Variants in PAPPA2 observed in about 807,000 individuals in gnomAD.
The protein encoded by PAPPA2 is pappalysin 2, also known as pappalysin-2.
In PAPPA2, 86 loss-of-function variants were observed where a neutral mutation model predicts 176.4. The observed-to-expected ratio is 0.49, with a 90% CI of 0.41 to 0.58. The LOEUF is 0.58. Ranked by LOEUF, PAPPA2 falls within the 20% of genes least tolerant of loss-of-function variation. The pLI, the probability that PAPPA2 is intolerant of heterozygous loss-of-function variation, is 0.00. For synonymous variants in PAPPA2, 809 were observed against 852.2 expected, an observed-to-expected ratio of 0.95 and a Z score of 0.88; for missense variants, 2,073 against 2,256.9, an observed-to-expected ratio of 0.92 and a Z score of 1.65.
At chr1:176,503,943 A>C (rs1347229226) in intron 1 of PAPPA2, among the ~76,000 whole-genome samples, 14 of 152,170 alleles carry the variant, frequency 9.2e-5, no homozygotes, top group Non-Finnish European at 2.1e-4. Context: ...ATCTCTACAG[A>C]AGTGGGATGA....
rs755398615 is a variant in PAPPA2 at position 176,695,875 on chromosome 1, A to AT, written c.2746+22dup. On this transcript the variant is annotated intron_variant, in intron 7 of 22. Coordinates refer to ENST00000367662, the MANE Select transcript of PAPPA2 (RefSeq NM_020318.3). ...GAGGCTGTGGGTAAAGTACCATGAC[A>AT]TTTTTTCTTTATACCCTGGTGACCA... The AT allele has an allele frequency of 1.9e-4, 309 of 1,612,668 alleles. No homozygotes were observed. Among genetic ancestry groups the AT allele is most frequent in the Non-Finnish European group, 2.6e-4 (301 of 1,179,820 alleles).
chr1:176,770,935 G>C, intron 16 of PAPPA2, 32 bp from the exon 17 acceptor site: 1 of 1,596,408 alleles, frequency 6.3e-7, no homozygotes, highest in Non-Finnish European at 8.6e-7. Context: ...TCTCTGTTCT[G>C]AGCATCTTGT....
At chr1:176,701,998 C>T (rs1286586763) in intron 8 of PAPPA2, among the ~76,000 whole-genome samples, 1 of 152,162 alleles carries the variant, frequency 6.6e-6, no homozygotes, top group African/African-American at 2.4e-5. Context: ...TTCCTGATAC[C>T]TACACACTTT....
chr1:176,524,476 T>G (rs1035313362), intron 1 of PAPPA2, among the ~76,000 whole-genome samples: 31 of 152,170 alleles, frequency 2.0e-4, no homozygotes, highest in African/African-American at 6.8e-4. Flanking sequence ...AGGAAGATGA[T>G]GTTAAAATAA....
intron 17 of PAPPA2, among the ~76,000 whole-genome samples, chr1:176,789,517 C>T (rs1180344481): frequency 6.6e-6 from 1 of 151,826 alleles, no homozygotes; most frequent in African/African-American, 2.4e-5. Flanking sequence ...CAAACCTGCA[C>T]GTTGTGCACA....
intron 12 of PAPPA2, among the ~76,000 whole-genome samples, chr1:176,736,404 A>G (rs144201694): frequency 4.0e-5 from 6 of 150,552 alleles, no homozygotes; most frequent in Non-Finnish European, 7.4e-5. Flanking sequence ...TTCTCTCTCT[A>G]TATATATGTA....
chr1:176,516,217 CA>C (rs1317834332), intron 1 of PAPPA2, among the ~76,000 whole-genome samples: 2 of 151,774 alleles, frequency 1.3e-5, no homozygotes, highest in African/African-American at 4.8e-5. Context: ...TGTCTCACCA[CA>C]AATGCTGCTA....
intron 21 of PAPPA2, among the ~76,000 whole-genome samples, chr1:176,824,082 T>G (rs1220955113): frequency 6.6e-6 from 1 of 152,176 alleles, no homozygotes; most frequent in African/African-American, 2.4e-5. Flanking sequence ...TAAACAGGAT[T>G]GGAAAGATGG....
At chr1:176,813,116 T>C (rs1274616154) in intron 21 of PAPPA2, among the ~76,000 whole-genome samples, 1 of 152,226 alleles carries the variant, frequency 6.6e-6, no homozygotes, top group Non-Finnish European at 1.5e-5. Context: ...GCAAAGGACA[T>C]GATCTCATTC....
intron 2 of PAPPA2, among the ~76,000 whole-genome samples, chr1:176,565,215 T>C (rs547285664): frequency 5.3e-4 from 81 of 152,350 alleles, no homozygotes; most frequent in South Asian, 3.9e-3. Flanking sequence ...TTGGCTGTTA[T>C]GAACATTGTG....
At chr1:176,493,034 T>G (rs1218204638) in intron 1 of PAPPA2, among the ~76,000 whole-genome samples, 1 of 152,206 alleles carries the variant, frequency 6.6e-6, no homozygotes. Flanking sequence ...TTGGTCACAA[T>G]CCAATAAATT....
chr1:176,549,030 A>C (rs1435938942), intron 1 of PAPPA2, among the ~76,000 whole-genome samples: 1 of 152,208 alleles, frequency 6.6e-6, no homozygotes, highest in Non-Finnish European at 1.5e-5. Flanking sequence ...ATTATTGCTA[A>C]TACTACTACC....
At chr1:176,581,918 CTTTCT>C (rs1255910081) in intron 2 of PAPPA2, among the ~76,000 whole-genome samples, 50 of 117,912 alleles carry the variant, frequency 4.2e-4, no homozygotes, top group Middle Eastern at 5.3e-3. Flanking sequence ...TTCTTTCTTT[CTTTCT>C]TTTTTTTTTT....
At chr1:176,728,794 A>G (rs991481624) in intron 12 of PAPPA2, among the ~76,000 whole-genome samples, 6 of 151,994 alleles carry the variant, frequency 3.9e-5, no homozygotes, top group African/African-American at 1.4e-4. Flanking sequence ...GATTAATGGA[A>G]CAGGGAAGTT....
intron 1 of PAPPA2, among the ~76,000 whole-genome samples, chr1:176,487,332 C>G (rs763641678): frequency 6.6e-6 from 1 of 152,158 alleles, no homozygotes; most frequent in Non-Finnish European, 1.5e-5. Context: ...GCTTCCAAAT[C>G]TCCACATCTT....
chr1:176,816,239 G>A (rs201367626), intron 21 of PAPPA2, among the ~76,000 whole-genome samples: 6 of 42,720 alleles, frequency 1.4e-4, no homozygotes, highest in Middle Eastern at 0.012. Context: ...GTGTGTGTGT[G>A]TGTATATATA....
At chr1:176,602,275 A>G (rs1654368797) in intron 3 of PAPPA2, among the ~76,000 whole-genome samples, 1 of 152,152 alleles carries the variant, frequency 6.6e-6, no homozygotes, top group African/African-American at 2.4e-5. Flanking sequence ...ACTCTTATAC[A>G]TAGCAAGGCT....
At chr1:176,631,075 C>G (rs1247717425) in intron 3 of PAPPA2, among the ~76,000 whole-genome samples, 2 of 152,030 alleles carry the variant, frequency 1.3e-5, no homozygotes, top group Non-Finnish European at 2.9e-5. Context: ...TTCGACGAAA[C>G]TGGAAAAAAG....
chr1:176,797,612 A>C (rs1042498226), intron 20 of PAPPA2, among the ~76,000 whole-genome samples: 53 of 152,040 alleles, frequency 3.5e-4, no homozygotes, highest in African/African-American at 1.3e-3. Flanking sequence ...GTGCCACTGA[A>C]CTCCAGCCTG....
Sources: gnomAD v4.1 joint callset for allele counts (sites outside exome capture counted in the v4.1 genomes callset) on GRCh38, gnomAD v4.1.1 for gene constraint, MANE v1.5 for transcripts, NCBI Gene and HGNC (gene_info 2026-07-23, HGNC 2026-07-21) for gene names.